The following CNTLN variants were observed in gnomAD, a reference collection of about 807,000 sequenced individuals.
CNTLN encodes the protein centlein.
CNTLN carries 212 observed loss-of-function variants against 180.0 expected under a neutral mutation model. The observed-to-expected ratio is 1.18, with a 90% CI of 1.05 to 1.32. The LOEUF is 1.32. Among genes scored for constraint, CNTLN ranks in the 40% most tolerant of loss-of-function variants. The pLI is 0.00. For missense variants in CNTLN, 2,095 were observed against 1,610.9 expected, an observed-to-expected ratio of 1.30 and a Z score of -5.14; for synonymous variants, 722 against 563.1, an observed-to-expected ratio of 1.28 and a Z score of -3.99.
chr9:17,457,730 T>G lies in CNTLN; in HGVS notation c.3306+15T>G, dbSNP rs201522801. 5.1e-5 allele frequency: 71 copies of G among 1,392,762 alleles called. No homozygotes were observed. The East Asian group carries it at 1.8e-3, about 35-fold the overall frequency. 86.3% of individuals were successfully genotyped at this position (1,392,762 alleles called of 1,614,324 possible). A position where few individuals can be genotyped will look rare whatever the true frequency, so the allele number is the denominator to read the frequency against. ...ATAAACTAAAGGTGATTATAAAATT[T>G]ATTAAGCATGAAAACATACATTATG... On this transcript the variant is annotated intron_variant, in intron 19 of 25. Transcript: ENST00000380647.
chr9:17,248,872 T>C (rs1435108795), intron 5 of CNTLN, among the ~76,000 whole-genome samples: 2 of 151,944 alleles, frequency 1.3e-5, no homozygotes, highest in Non-Finnish European at 2.9e-5. Context: ...ATAATTCTTT[T>C]TATTATCTTA....
At chr9:17,325,654 C>T (rs1820239893) in intron 8 of CNTLN, among the ~76,000 whole-genome samples, 1 of 151,616 alleles carries the variant, frequency 6.6e-6, no homozygotes, top group African/African-American at 2.4e-5. Flanking sequence ...GCTGAGGTAT[C>T]ATGTGCTTTT....
chr9:17,355,702 A>T (rs193018886), intron 12 of CNTLN, among the ~76,000 whole-genome samples: 5 of 152,336 alleles, frequency 3.3e-5, no homozygotes, highest in African/African-American at 9.6e-5. Flanking sequence ...GAAAACAGGC[A>T]GTATGATTAT....
At chr9:17,240,623 G>A (rs1825425838) in intron 5 of CNTLN, among the ~76,000 whole-genome samples, 1 of 151,792 alleles carries the variant, frequency 6.6e-6, no homozygotes, top group African/African-American at 2.4e-5. Flanking sequence ...TTTTCACATA[G>A]AGTTGTTTGA....
At chr9:17,395,570 T>G (rs759438528) in intron 15 of CNTLN, among the ~76,000 whole-genome samples, 26 of 152,210 alleles carry the variant, frequency 1.7e-4, no homozygotes, top group Non-Finnish European at 2.9e-4. Flanking sequence ...TTAACATCCT[T>G]TAAATTAAGA....
At chr9:17,221,900 C>G (rs1437695257) in intron 2 of CNTLN, among the ~76,000 whole-genome samples, 1 of 152,046 alleles carries the variant, frequency 6.6e-6, no homozygotes, top group Non-Finnish European at 1.5e-5. Flanking sequence ...TATCTACCAA[C>G]ATATCTGAAT....
chr9:17,285,967 C>G, intron 6 of CNTLN, among the ~76,000 whole-genome samples: 1 of 91,192 alleles, frequency 1.1e-5, no homozygotes, highest in Non-Finnish European at 2.0e-5. Context: ...CCTGTTCACT[C>G]TGATGGTAGT....
At chr9:17,181,277 A>T (rs2779762) in intron 2 of CNTLN, among the ~76,000 whole-genome samples, 2,587 of 152,076 alleles carry the variant, frequency 0.017, 84 homozygotes, top group African/African-American at 0.059. Context: ...TTTGCTTTTC[A>T]CTGATTCTTT....
chr9:17,380,354 C>T (rs1008829575), intron 13 of CNTLN, among the ~76,000 whole-genome samples: 1 of 152,114 alleles, frequency 6.6e-6, no homozygotes, highest in Non-Finnish European at 1.5e-5. Flanking sequence ...GGAGGTTTCT[C>T]GAGAAACACC....
intron 14 of CNTLN, among the ~76,000 whole-genome samples, chr9:17,390,591 T>C (rs932383322): frequency 7.9e-5 from 12 of 152,130 alleles, no homozygotes; most frequent in Non-Finnish European, 1.5e-4. Flanking sequence ...TTCAGAACTA[T>C]AAGAAAATAT....
At chr9:17,385,451 G>A (rs1825614908) in intron 13 of CNTLN, among the ~76,000 whole-genome samples, 1 of 152,080 alleles carries the variant, frequency 6.6e-6, no homozygotes, top group Non-Finnish European at 1.5e-5. Flanking sequence ...GGCTCACCAG[G>A]AATCATCTTA....
At position 17,262,037 on chromosome 9, in the gene CNTLN, G is replaced by A. The variant is rs145983173; in HGVS notation, c.850-11696G>A. On this transcript the variant is annotated intron_variant, in intron 5 of 25. Coordinates refer to ENST00000380647, the MANE Select transcript of CNTLN (RefSeq NM_017738.4). ...AAACCACTATGAGATACCATCTCAC[G>A]CCAGTTAGAACAGCGATTATTAAAA... Among the ~76,000 whole-genome samples, 413 of 151,490 alleles carry A rather than the reference G, an allele frequency of 2.7e-3. 23 individuals carry two copies. The highest frequency in any genetic ancestry group is 9.7e-3 in the African/African-American group (396 of 40,882).
intron 13 of CNTLN, among the ~76,000 whole-genome samples, chr9:17,383,189 TAC>T (rs1425258234): frequency 2.0e-5 from 3 of 152,170 alleles, no homozygotes; most frequent in Non-Finnish European, 2.9e-5. Context: ...AAATGATTTA[TAC>T]ACAGATTTTG....
chr9:17,336,962 C>A (rs1821086987), intron 10 of CNTLN, among the ~76,000 whole-genome samples: 1 of 152,166 alleles, frequency 6.6e-6, no homozygotes, highest in Non-Finnish European at 1.5e-5. Context: ...TTCTCCACAT[C>A]CTCTCTAGCA....
intron 13 of CNTLN, among the ~76,000 whole-genome samples, chr9:17,367,661 C>T (rs1044683875): frequency 1.3e-5 from 2 of 152,090 alleles, no homozygotes; most frequent in African/African-American, 4.8e-5. Flanking sequence ...AGCTCAGCCA[C>T]AATAGGATAG....
At chr9:17,200,026 G>T (rs1286976308) in intron 2 of CNTLN, among the ~76,000 whole-genome samples, 1 of 152,142 alleles carries the variant, frequency 6.6e-6, no homozygotes, top group Non-Finnish European at 1.5e-5. Context: ...AAAGTGTAAG[G>T]AATGGGGCCA....
chr9:17,291,479 C>A (rs1007098803), intron 6 of CNTLN, among the ~76,000 whole-genome samples: 11 of 152,116 alleles, frequency 7.2e-5, no homozygotes, highest in Admixed American at 4.6e-4. Flanking sequence ...TTTTATGAAT[C>A]TGGGTGCTCC....
intron 2 of CNTLN, among the ~76,000 whole-genome samples, chr9:17,189,862 A>G (rs1251381958): frequency 6.6e-6 from 1 of 151,962 alleles, no homozygotes; most frequent in African/African-American, 2.4e-5. Flanking sequence ...ACTCTGACTG[A>G]TGGGAACACG....
Position 17,462,915 on chromosome 9 carries a change from G to T in CNTLN, c.3307-1G>T. On this transcript the variant is annotated splice_acceptor_variant, in intron 19 of 25. Transcript: ENST00000380647. LOFTEE classifies it high-confidence loss of function. ...TAAATTTATTTCTATTTTTAATCTA[G>T]AATGCTACTAATGAACTCACTAAAC... 6.7e-7 allele frequency: 1 copy of T among 1,494,046 alleles called. No individual in the cohort carries two copies. Among genetic ancestry groups the T allele is most frequent in the South Asian group, 1.3e-5 (1 of 75,442 alleles). The allele number at this position is 1,494,046 out of a possible 1,614,324, so 92.5% of individuals were successfully genotyped here.
Sources: gnomAD v4.1 joint callset for allele counts (sites outside exome capture counted in the v4.1 genomes callset) on GRCh38, gnomAD v4.1.1 for gene constraint, MANE v1.5 for transcripts, NCBI Gene and HGNC (gene_info 2026-07-23, HGNC 2026-07-21) for gene names.